The following GNB3 variants were observed in gnomAD, a reference collection of about 807,000 sequenced individuals.
GNB3 encodes guanine nucleotide-binding protein G(I)/G(S)/G(T) subunit beta-3.
Under a neutral mutation model 41.2 loss-of-function variants are expected in GNB3, and 33 were observed. That is an observed-to-expected ratio of 0.80 (90% confidence interval 0.61 to 1.07). The LOEUF (loss-of-function observed/expected upper bound fraction) is 1.07. Ranked by LOEUF, GNB3 falls within the 50% of genes least tolerant of loss-of-function variation. GNB3 has a pLI of 0.00. For missense variants in GNB3, 409 were observed against 455.3 expected (o/e 0.90, Z 0.92); for synonymous variants, 172 against 173.4 (o/e 0.99, Z 0.06).
At chr12:6,842,186 A>G (rs944857434) in intron 3 of GNB3, among the ~76,000 whole-genome samples, 1 of 152,180 alleles carries the variant, frequency 6.6e-6, no homozygotes, top group African/African-American at 2.4e-5. Context: ...TCTGTAAGGT[A>G]GGTGCTATGA....
chr12:6,843,023 G>A lies in GNB3; in HGVS notation c.150G>A (p.Thr50=), dbSNP rs1382910777. 1.1e-5 allele frequency: 18 copies of A among 1,575,566 alleles called. No individual in the cohort carries two copies. The highest frequency in any genetic ancestry group is 4.5e-5 in the East Asian group (2 of 44,362). Residue 50 remains threonine (T), a synonymous_variant, in exon 4 of 10, where the codon ACG becomes ACA. Transcript: ENST00000229264. The surrounding 1 kb of genome is among the most constrained non-coding windows in gnomAD (Gnocchi z 5.9). ...GAGTCCAGATGCGGACGCGGCGGAC[G>A]TTAAGGGGACACCTGGCCAAGATTT... ...VGRVQMRTRR[T]LRGHLAKIYA... is the part of the protein sequence containing the mutation.
intron 1 of GNB3, 34 bp from the exon 2 acceptor site, chr12:6,841,224 G>A (rs1398288050): frequency 7.3e-7 from 1 of 1,376,260 alleles, no homozygotes; most frequent in Non-Finnish European, 1.0e-6. Flanking sequence ...GCCTGGTGGG[G>A]GGTTCCTCAA....
chr12:6,841,799 T>C (rs1555123475), intron 3 of GNB3, 175 bp downstream of exon 3: 1 of 708,840 alleles, frequency 1.4e-6, no homozygotes, highest in South Asian at 1.5e-5. Context: ...CCAGGCACCA[T>C]ATTGGATGCG....
rs1943720357 is a variant in GNB3, at chr12:6,847,060, A to C, written c.*162A>C. 8.4e-6 allele frequency: 5 copies of C among 593,676 alleles called. No homozygotes were observed. In the Admixed American group the frequency reaches 1.4e-4, roughly 17 times the overall value. 36.8% of individuals were successfully genotyped at this position (593,676 alleles called of 1,614,324 possible). A position where few individuals can be genotyped will look rare whatever the true frequency, so the allele number is the denominator to read the frequency against. ...GCATGGGACTGTGCCTTTGGGAGGCAGCATCAGGGACACAGGGGCAAAGAA... is the reference window on the plus strand; with the variant it reads ...GCATGGGACTGTGCCTTTGGGAGGCCGCATCAGGGACACAGGGGCAAAGAA... On this transcript the variant is annotated 3_prime_UTR_variant, in exon 10 of 10. Transcript: ENST00000229264.
At chr12:6,845,271 T>C in intron 8 of GNB3, 2 of 347,938 alleles carry the variant, frequency 5.7e-6, no homozygotes, top group Non-Finnish European at 1.1e-5. Flanking sequence ...TTGTGTAGTC[T>C]GGGAGTCTGG....
rs1555124878 is a variant in GNB3 at position 6,846,912 on chromosome 12, A to T, written c.*14A>T. The T allele has an allele frequency of 4.1e-6, 6 of 1,474,274 alleles. No individual in the cohort carries two copies. In the Admixed American group the frequency reaches 1.1e-4, roughly 28 times the overall value. 91.3% of individuals were successfully genotyped at this position (1,474,274 alleles called of 1,614,324 possible). On this transcript the variant is annotated 3_prime_UTR_variant, in exon 10 of 10. Transcript: ENST00000229264. ...ATCTGGAACTGAGGAGGCTGGAGAAAGGGAAGTGGAAGGCAGTGAACACAC... is the reference window on the plus strand; with the variant it reads ...ATCTGGAACTGAGGAGGCTGGAGAATGGGAAGTGGAAGGCAGTGAACACAC...
chr12:6,843,082 G>T lies in GNB3; in HGVS notation c.203+6G>T. 3 of 1,605,132 alleles carry T rather than the reference G, an allele frequency of 1.9e-6. No homozygotes were observed. Among genetic ancestry groups the T allele is most frequent in the Non-Finnish European group, 2.6e-6 (3 of 1,172,686 alleles). ...CACTGGGCCACTGATTCTAAGTGAG[G>T]CTTGGGGGGGAACCGAGAATGGGAG... On this transcript the variant is annotated splice_donor_region_variant and intron_variant, in intron 4 of 9. Coordinates refer to ENST00000229264, the MANE Select transcript of GNB3 (RefSeq NM_002075.4). This position sits in a 1 kb window ranked among gnomAD's most constrained non-coding sequence, Gnocchi z 5.9.
Position 6,843,975 on chromosome 12 carries a change from CTG to C in GNB3, c.699+2_699+3del. The C allele has an allele frequency of 6.2e-7, 1 of 1,606,588 alleles. No homozygotes were observed. The highest frequency in any genetic ancestry group is 1.7e-5 in the Admixed American group (1 of 59,744). ...TGHESDINAI[C>X]FFPNGEAICT... ...GCCACGAGTCGGACATCAACGCCATCTGTGTGAGTGCACCCCCCACCCCAGCT... is the reference window on the plus strand; with the variant it reads ...GCCACGAGTCGGACATCAACGCCATCTGTGAGTGCACCCCCCACCCCAGCT... On this transcript the variant is annotated frameshift_variant and splice_region_variant, in exon 8 of 10. Transcript: ENST00000229264. LOFTEE classifies it high-confidence loss of function. This position sits in a 1 kb window ranked among gnomAD's most constrained non-coding sequence, Gnocchi z 5.9.
chr12:6,844,094 T>TG lies in GNB3; in HGVS notation c.699+116_699+117insG, dbSNP rs1565519316. 3.6e-4 allele frequency: 58 copies of TG among 159,746 alleles called. 1 individual carries two copies. Among genetic ancestry groups the TG allele is most frequent in the Non-Finnish European group, 5.6e-4 (46 of 82,836 alleles). 9.9% of individuals were successfully genotyped at this position (159,746 alleles called of 1,614,324 possible). On this transcript the variant is annotated intron_variant, in intron 8 of 9. Transcript: ENST00000229264. ...GCTTCCCTAGCCCTTTCTTACTGTATTTTTTTTTTTTTTTTTTTTTTTTTT... is the reference window on the plus strand; with the variant it reads ...GCTTCCCTAGCCCTTTCTTACTGTATGTTTTTTTTTTTTTTTTTTTTTTTTT...
rs201208571 is a variant in GNB3 at position 6,844,022 on chromosome 12, G to A, written c.699+44G>A. On this transcript the variant is annotated intron_variant, in intron 8 of 9. Transcript: ENST00000229264. ...CCAGCTTCACTCCAACTCCTTCCCC[G>A]ACACTCCCCACAACACATACAATAC... The A allele has an allele frequency of 6.5e-6, 9 of 1,393,242 alleles. No individual in the cohort carries two copies. The East Asian group carries it at 1.3e-4, about 20-fold the overall frequency. The allele number at this position is 1,393,242 out of a possible 1,614,324, so 86.3% of individuals were successfully genotyped here.
In GNB3 at chr12:6,843,389, C is replaced by G; in HGVS notation, c.294C>G (p.Ser98=). 2 of 1,614,220 alleles carry G rather than the reference C, an allele frequency of 1.2e-6. No individual in the cohort carries two copies. The highest frequency in any genetic ancestry group is 1.7e-6 in the Non-Finnish European group (2 of 1,180,030). The change falls in exon 6 of 10, where the codon TCC becomes TCG. Residue 98 remains serine (S), a synonymous_variant. Transcript: ENST00000229264. This position sits in a 1 kb window ranked among gnomAD's most constrained non-coding sequence, Gnocchi z 5.9. Reference sequence around the variant, plus strand: ...TGCACGCCATCCCACTGCGCTCCTCCTGGGTCATGACCTGTGCCTATGCCC... The same window carrying G: ...TGCACGCCATCCCACTGCGCTCCTCGTGGGTCATGACCTGTGCCTATGCCC... The part of the protein sequence containing the change: ...NKVHAIPLRS[S]WVMTCAYAPS...
intron 8 of GNB3, 124 bp downstream of exon 8, chr12:6,844,102 T>TTTTTC (rs1943635193): frequency 1.6e-6 from 1 of 614,704 alleles, no homozygotes; most frequent in East Asian, 3.0e-5. Context: ...TATTTTTTTT[T>TTTTTC]TTTTTTTTTT....
Position 6,841,360 on chromosome 12 carries a change from T to G in GNB3, c.57+16T>G, listed in dbSNP as rs1014286127. On this transcript the variant is annotated intron_variant, in intron 2 of 9. Transcript: ENST00000229264. ...GCAGATTGCAGTAACTCCAGAGCCC[T>G]ACCCCTGGGGCCCCAGAAAACAGCT... 37 of 1,609,784 alleles carry G rather than the reference T, an allele frequency of 2.3e-5. No individual in the cohort carries two copies. The highest frequency in any genetic ancestry group is 3.1e-5 in the Non-Finnish European group (37 of 1,177,404).
chr12:6,843,964 A>G lies in GNB3; in HGVS notation c.685A>G (p.Ile229Val). ...GACTTTCACTGGCCACGAGTCGGAC[A>G]TCAACGCCATCTGTGTGAGTGCACC... is the stretch of plus-strand genomic sequence containing the variant. ...RQTFTGHESD[I>V]NAICFFPNGE... is the part of the protein sequence containing the mutation. Residue 229 changes from isoleucine to valine, a missense_variant, in exon 8 of 10, where the codon ATC (isoleucine) becomes GTC (valine). By Grantham distance (29) the Ile-to-Val change is conservative. Coordinates refer to ENST00000229264, the MANE Select transcript of GNB3 (RefSeq NM_002075.4). This position sits in a 1 kb window ranked among gnomAD's most constrained non-coding sequence, Gnocchi z 5.9. 1 of 1,611,100 alleles carries G rather than the reference A, an allele frequency of 6.2e-7. No individual in the cohort carries two copies. Among genetic ancestry groups the G allele is most frequent in the Non-Finnish European group, 8.5e-7 (1 of 1,178,070 alleles).
chr12:6,841,239 G>T lies in GNB3; in HGVS notation c.-30-19G>T. On this transcript the variant is annotated intron_variant, in intron 1 of 9. Coordinates refer to ENST00000229264, the MANE Select transcript of GNB3 (RefSeq NM_002075.4). ...GCCTGGTGGGGGGTTCCTCAACACCGACCCCATGTTCCTGGCAGGAGCCAG... is the reference window on the plus strand; with the variant it reads ...GCCTGGTGGGGGGTTCCTCAACACCTACCCCATGTTCCTGGCAGGAGCCAG... 1 of 1,513,106 alleles carries T rather than the reference G, an allele frequency of 6.6e-7. No homozygotes were observed. Among genetic ancestry groups the T allele is most frequent in the South Asian group, 1.2e-5 (1 of 86,760 alleles). 93.7% of individuals were successfully genotyped at this position (1,513,106 alleles called of 1,614,324 possible).
rs1555123949 is a variant in GNB3 at position 6,843,734 on chromosome 12, G to A, written c.497+36G>A. 3 of 1,612,212 alleles carry A rather than the reference G, an allele frequency of 1.9e-6. No homozygotes were observed. Among genetic ancestry groups the A allele is most frequent in the Non-Finnish European group, 8.5e-7 (1 of 1,178,328 alleles). On this transcript the variant is annotated intron_variant, in intron 7 of 9. Transcript: ENST00000229264. The surrounding 1 kb of genome is among the most constrained non-coding windows in gnomAD (Gnocchi z 5.9). ...ACATTGCTGGTGCTGGGGCTTGGGA[G>A]TGGGCCCGGCCTTTCTCTAACAGTC... is the stretch of plus-strand genomic sequence containing the variant.
At chr12:6,844,093 A>ATTTTT (rs34871066) in intron 8 of GNB3, 115 bp downstream of exon 8, 2 of 258,146 alleles carry the variant, frequency 7.7e-6, no homozygotes, top group Non-Finnish European at 1.3e-5. Flanking sequence ...TTCTTACTGT[A>ATTTTT]TTTTTTTTTT....
chr12:6,841,069 G>C, intron 1 of GNB3, 36 bp downstream of exon 1: 1 of 589,908 alleles, frequency 1.7e-6, no homozygotes, highest in Admixed American at 3.0e-5. Context: ...GCTCTCCTGG[G>C]CTGGGGCGCA....
rs782712051 is a variant in GNB3, at chr12:6,843,910, T to A, written c.631T>A (p.Trp211Arg). The A allele has an allele frequency of 6.2e-7, 1 of 1,613,916 alleles. No homozygotes were observed. Among genetic ancestry groups the A allele is most frequent in the African/African-American group, 1.3e-5 (1 of 74,864 alleles). The change falls in exon 8 of 10, where the codon TGG (tryptophan) becomes AGG (arginine). Residue 211 changes from tryptophan to arginine, a missense_variant. Physicochemically the swap from Trp to Arg is moderately radical, Grantham distance 101 (BLOSUM62 -3). Coordinates refer to ENST00000229264, the MANE Select transcript of GNB3 (RefSeq NM_002075.4). The surrounding 1 kb of genome is among the most constrained non-coding windows in gnomAD (Gnocchi z 5.9). The part of the protein sequence containing the change: ...SGACDASAKL[W>R]DVREGTCRQT... ...GGCCTGTGATGCCAGTGCCAAGCTC[T>A]GGGATGTGCGAGAGGGGACCTGCCG...
Sources: gnomAD v4.1 joint callset for allele counts (sites outside exome capture counted in the v4.1 genomes callset) on GRCh38, gnomAD v4.1.1 for gene constraint, Gnocchi (gnomAD v3.1) non-coding constraint, MANE v1.5 for transcripts, NCBI Gene and HGNC (gene_info 2026-07-23, HGNC 2026-07-21) for gene names.